Variants in MBOAT2 observed in about 807,000 individuals in gnomAD.
MBOAT2 encodes the protein membrane-bound glycerophospholipid O-acyltransferase 2.
A neutral mutation model predicts 63.4 loss-of-function variants in MBOAT2; 28 were observed. The observed-to-expected ratio is 0.44, with a 90% confidence interval of 0.33 to 0.61. The LOEUF (loss-of-function observed/expected upper bound fraction) is 0.61, where lower values mean the gene tolerates loss of function less well. Ranked by LOEUF, MBOAT2 falls within the 20% of genes least tolerant of loss-of-function variation. MBOAT2 has a pLI of 0.03. For missense variants in MBOAT2, 470 were observed against 605.8 expected (o/e 0.78, Z 2.35); for synonymous variants, 211 against 215.6 (o/e 0.98, Z 0.19).
rs186085674 is a variant in MBOAT2 at position 8,885,118 on chromosome 2, T to C, written c.452-2553A>G. ...ACATACCATTTTTTCACTGAATTAATGGAATGGCGTATCTTCCACTGTTTA... is the reference window on the plus strand; with the variant it reads ...ACATACCATTTTTTCACTGAATTAACGGAATGGCGTATCTTCCACTGTTTA... On this transcript the variant is annotated intron_variant, in intron 5 of 12. Transcript: ENST00000305997. 4.0e-3 allele frequency among the ~76,000 whole-genome samples: 611 copies of C among 152,340 alleles called. 7 individuals carry two copies. Among genetic ancestry groups the C allele is most frequent in the Non-Finnish European group, 5.2e-3 (357 of 68,030 alleles).
intron 3 of MBOAT2, among the ~76,000 whole-genome samples, chr2:8,930,789 C>A (rs917367222): frequency 6.6e-6 from 1 of 151,966 alleles, no homozygotes; most frequent in Non-Finnish European, 1.5e-5. Flanking sequence ...GGGTGCAGCA[C>A]ACCAGCATGG....
intron 2 of MBOAT2, among the ~76,000 whole-genome samples, chr2:8,945,055 C>T (rs937539217): frequency 2.6e-5 from 4 of 152,168 alleles, no homozygotes; most frequent in Non-Finnish European, 5.9e-5. Context: ...TTAGAAGCTA[C>T]AAGTCTTACT....
chr2:8,959,313 C>G (rs1015628091), intron 1 of MBOAT2, among the ~76,000 whole-genome samples: 2 of 152,180 alleles, frequency 1.3e-5, no homozygotes, highest in Non-Finnish European at 2.9e-5. Flanking sequence ...TTATAGTTCA[C>G]TAGGAACTAA....
chr2:8,894,592 A>G (rs1470812934), intron 4 of MBOAT2, among the ~76,000 whole-genome samples: 1 of 152,232 alleles, frequency 6.6e-6, no homozygotes, highest in Non-Finnish European at 1.5e-5. Context: ...GAACGTGAAT[A>G]ATACTTTCTA....
chr2:8,945,826 GA>G (rs201191612), intron 2 of MBOAT2, among the ~76,000 whole-genome samples: 39 of 145,968 alleles, frequency 2.7e-4, no homozygotes, highest in South Asian at 4.3e-4. Context: ...TTTATTTTTA[GA>G]AAAAAAAAAG....
chr2:8,995,732 G>A (rs957523858), intron 1 of MBOAT2, among the ~76,000 whole-genome samples: 9 of 151,800 alleles, frequency 5.9e-5, no homozygotes, highest in East Asian at 1.9e-4. Flanking sequence ...CTGGGACCAC[G>A]GGCACCCGCC....
In MBOAT2 at chr2:9,003,498, CG is replaced by C. The variant is rs1431745589; in HGVS notation, c.75+41del. 8.6e-7 allele frequency: 1 copy of C among 1,159,904 alleles called. No homozygotes were observed. The highest frequency in any genetic ancestry group is 1.1e-6 in the Non-Finnish European group (1 of 939,530). The allele number at this position is 1,159,904 out of a possible 1,614,324, so 71.9% of individuals were successfully genotyped here. A position where few individuals can be genotyped will look rare whatever the true frequency, so the allele number is the denominator to read the frequency against. The stretch of plus-strand genomic sequence containing the variant: ...CGGGTGGCACCGCGGCGGGGAGGGG[CG>C]GCGAGGGCGCGACGCCCGGCGCCAG... On this transcript the variant is annotated intron_variant, in intron 1 of 12. Coordinates refer to ENST00000305997, the MANE Select transcript of MBOAT2 (RefSeq NM_138799.4). This position sits in a 1 kb window ranked among gnomAD's most constrained non-coding sequence, Gnocchi z 5.4.
At position 8,938,202 on chromosome 2, in the gene MBOAT2, T is replaced by C. The variant is rs556091975; in HGVS notation, c.299+4985A>G. On this transcript the variant is annotated intron_variant, in intron 3 of 12. Coordinates refer to ENST00000305997, the MANE Select transcript of MBOAT2 (RefSeq NM_138799.4). ...GAAATTTGGCACTCTGTATCTCTGT[T>C]CCCTTAGTACATGAAACACATATGA... Among the ~76,000 whole-genome samples the C allele has an allele frequency of 4.9e-4, 75 of 152,328 alleles. 1 individual carries two copies. The highest frequency in any genetic ancestry group is 1.0e-3 in the Non-Finnish European group (71 of 68,026).
rs534133198 is a variant in MBOAT2 at position 8,986,983 on chromosome 2, T to C, written c.75+16557A>G. On this transcript the variant is annotated intron_variant, in intron 1 of 12. Coordinates refer to ENST00000305997, the MANE Select transcript of MBOAT2 (RefSeq NM_138799.4). ...TCTGTTGTTTAATCCACACAGTCTATGGTTTTTGTTATGACAGCTAACTAA... is the reference window on the plus strand; with the variant it reads ...TCTGTTGTTTAATCCACACAGTCTACGGTTTTTGTTATGACAGCTAACTAA... Among the ~76,000 whole-genome samples, 9 of 152,340 alleles carry C rather than the reference T, an allele frequency of 5.9e-5. No homozygotes were observed. In the East Asian group the frequency reaches 1.5e-3, roughly 26 times the overall value.
intron 3 of MBOAT2, among the ~76,000 whole-genome samples, chr2:8,917,554 G>A (rs1320486469): frequency 6.6e-6 from 1 of 152,108 alleles, no homozygotes; most frequent in African/African-American, 2.4e-5. Flanking sequence ...ATATCTGTCA[G>A]AATGAGCACC....
intron 4 of MBOAT2, among the ~76,000 whole-genome samples, chr2:8,901,561 G>A (rs1436266342): frequency 6.6e-6 from 1 of 152,152 alleles, no homozygotes; most frequent in Non-Finnish European, 1.5e-5. Flanking sequence ...AGGGAGGGAA[G>A]GGATCTCCAG....
rs1169248692 is a variant in MBOAT2, at chr2:8,973,319, T to C, written c.76-14677A>G. Among the ~76,000 whole-genome samples the C allele has an allele frequency of 6.3e-5, 8 of 127,190 alleles. No homozygotes were observed. In the East Asian group the frequency reaches 1.8e-3, roughly 29 times the overall value. The allele number at this position is 127,190 out of a possible 152,430, so 83.4% of individuals were successfully genotyped here. A position where few individuals can be genotyped will look rare whatever the true frequency, so the allele number is the denominator to read the frequency against. On this transcript the variant is annotated intron_variant, in intron 1 of 12. Coordinates refer to ENST00000305997, the MANE Select transcript of MBOAT2 (RefSeq NM_138799.4). ...TCACTCATTGGTGGGAACTGAACAA[T>C]GAGAACACTTGGACACAGGAAGGGG...
At chr2:8,964,868 T>C (rs962097510) in intron 1 of MBOAT2, among the ~76,000 whole-genome samples, 1 of 152,254 alleles carries the variant, frequency 6.6e-6, no homozygotes, top group African/African-American at 2.4e-5. Context: ...TTATGTCTAT[T>C]GGACATTTAG....
chr2:8,927,961 G>A (rs558716345), intron 3 of MBOAT2, among the ~76,000 whole-genome samples: 140 of 152,244 alleles, frequency 9.2e-4, no homozygotes, highest in African/African-American at 3.3e-3. Context: ...GGCTTCTGGG[G>A]AGGTCTCGGG....
chr2:8,951,968 T>C lies in MBOAT2; in HGVS notation c.221+6529A>G, dbSNP rs190220958. Among the ~76,000 whole-genome samples the C allele has an allele frequency of 7.9e-5, 12 of 152,344 alleles. No homozygotes were observed. In the East Asian group the frequency reaches 2.3e-3, roughly 29 times the overall value. On this transcript the variant is annotated intron_variant, in intron 2 of 12. Coordinates refer to ENST00000305997, the MANE Select transcript of MBOAT2 (RefSeq NM_138799.4). ...AGTTATTTCTTTTCTTCTGCTAGCT[T>C]TGAGGTTAGTTTGTTCTCGTTTTTC...
intron 9 of MBOAT2, among the ~76,000 whole-genome samples, chr2:8,865,393 C>G (rs1661798358): frequency 6.6e-6 from 1 of 152,148 alleles, no homozygotes; most frequent in Non-Finnish European, 1.5e-5. Context: ...CACTCAGCTG[C>G]ACACACACTT....
intron 3 of MBOAT2, among the ~76,000 whole-genome samples, chr2:8,932,385 C>T (rs1476845121): frequency 6.6e-6 from 1 of 151,988 alleles, no homozygotes; most frequent in Non-Finnish European, 1.5e-5. Flanking sequence ...TAAAGACTCC[C>T]AATACTACAT....
intron 1 of MBOAT2, 106 bp from the exon 2 acceptor site, chr2:8,958,748 T>G: frequency 8.5e-7 from 1 of 1,182,904 alleles, no homozygotes; most frequent in Non-Finnish European, 1.1e-6. Flanking sequence ...ACACAAAAAT[T>G]GACCTTCCAA....
chr2:8,862,450 T>C lies in MBOAT2; in HGVS notation c.1185+140A>G. ...GAGCGCTCAGCAAACATGCACGCAG[T>C]ACACACCTCGCTTCTAGTGGAAAGG... On this transcript the variant is annotated intron_variant, in intron 11 of 12. Coordinates refer to ENST00000305997, the MANE Select transcript of MBOAT2 (RefSeq NM_138799.4). This position sits in a 1 kb window ranked among gnomAD's most constrained non-coding sequence, Gnocchi z 4.3. The C allele has an allele frequency of 2.3e-6, 3 of 1,311,334 alleles. No individual in the cohort carries two copies. Among genetic ancestry groups the C allele is most frequent in the Non-Finnish European group, 3.1e-6 (3 of 954,710 alleles). The allele number at this position is 1,311,334 out of a possible 1,614,324, so 81.2% of individuals were successfully genotyped here.
Sources: gnomAD v4.1 joint callset for allele counts (sites outside exome capture counted in the v4.1 genomes callset) on GRCh38, gnomAD v4.1.1 for gene constraint, Gnocchi (gnomAD v3.1) non-coding constraint, MANE v1.5 for transcripts, NCBI Gene and HGNC (gene_info 2026-07-23, HGNC 2026-07-21) for gene names.